The following SOX6 variants were observed in gnomAD, a reference collection of about 807,000 sequenced individuals.
The protein encoded by SOX6 is SRY-box transcription factor 6.
Under a neutral mutation model 97.8 loss-of-function variants are expected in SOX6, and 11 were observed. That is an observed-to-expected ratio of 0.11 (90% CI 0.07 to 0.19). The LOEUF (loss-of-function observed/expected upper bound fraction) is 0.19, where lower values mean the gene tolerates loss of function less well. Among genes scored for constraint, SOX6 ranks in the 10% least tolerant of loss-of-function variants. The probability of loss-of-function intolerance (pLI) is 1.00; values close to 1 mark genes in which losing one functional copy is unlikely to be tolerated. For synonymous variants in SOX6, 360 were observed against 371.4 expected (o/e 0.97, Z 0.35); for missense variants, 810 against 1,039.5 (o/e 0.78, Z 3.04).
chr11:16,689,736 A>G (rs564346326), intron 3 of SOX6, among the ~76,000 whole-genome samples: 85 of 152,330 alleles, frequency 5.6e-4, no homozygotes, highest in South Asian at 3.7e-3. Context: ...TTTTAAGTAC[A>G]TTCTAGATAA....
At chr11:16,469,367 CT>C (rs1860101021) in intron 1 of SOX6, among the ~76,000 whole-genome samples, 1 of 152,010 alleles carries the variant, frequency 6.6e-6, no homozygotes, top group Non-Finnish European at 1.5e-5. Context: ...CTGACAGATT[CT>C]TAAGAAATAC....
chr11:16,137,299 G>A (rs553186391), intron 6 of SOX6, among the ~76,000 whole-genome samples: 34 of 152,164 alleles, frequency 2.2e-4, no homozygotes, highest in East Asian at 9.7e-4. Context: ...GGTGGCATGC[G>A]CCTGTAGTCT....
chr11:15,977,353 C>T (rs1349356533), intron 15 of SOX6, among the ~76,000 whole-genome samples: 1 of 151,986 alleles, frequency 6.6e-6, no homozygotes, highest in African/African-American at 2.4e-5. Context: ...GTCACTCCTC[C>T]CTAATCTCAG....
chr11:16,239,681 C>T (rs1853125912), intron 3 of SOX6, among the ~76,000 whole-genome samples: 1 of 152,030 alleles, frequency 6.6e-6, no homozygotes, highest in Admixed American at 6.6e-5. Flanking sequence ...TCCCATACAG[C>T]AGGGCAATGA....
At chr11:16,246,223 T>G (rs564694357) in intron 3 of SOX6, among the ~76,000 whole-genome samples, 1 of 151,642 alleles carries the variant, frequency 6.6e-6, no homozygotes, top group Non-Finnish European at 1.5e-5. Flanking sequence ...ATTAGTTCCA[T>G]ATGTTTTAAA....
At chr11:16,385,477 G>T (rs1857956100) in intron 1 of SOX6, among the ~76,000 whole-genome samples, 1 of 151,966 alleles carries the variant, frequency 6.6e-6, no homozygotes, top group African/African-American at 2.4e-5. Context: ...AAACAAAAAT[G>T]CTCTTGAGGT....
intron 15 of SOX6, among the ~76,000 whole-genome samples, chr11:15,975,662 GT>G (rs1853455880): frequency 6.6e-6 from 1 of 152,254 alleles, no homozygotes; most frequent in African/African-American, 2.4e-5. Flanking sequence ...TGAGAGGTAG[GT>G]ATCATTTTCC....
intron 3 of SOX6, among the ~76,000 whole-genome samples, chr11:16,238,723 T>C (rs1434213972): frequency 6.6e-6 from 1 of 152,074 alleles, no homozygotes; most frequent in Non-Finnish European, 1.5e-5. Flanking sequence ...TTTACAACAA[T>C]CTACCTATAA....
intron 6 of SOX6, among the ~76,000 whole-genome samples, chr11:16,132,349 AG>A (rs1849785973): frequency 6.9e-5 from 4 of 58,000 alleles, no homozygotes; most frequent in South Asian, 5.9e-4. Flanking sequence ...AAAGAAAGAA[AG>A]AAAGAAAGAA....
rs75370960 is a variant in SOX6, at chr11:16,015,835, G to A, written c.1624-785C>T. ...GAAAAACAGCTCATGTCCCCCTCTC[G>A]TCTCCTCACTACTCTCCTGACTCAA... On this transcript the variant is annotated intron_variant, in intron 12 of 15. Transcript: ENST00000683767. Among the ~76,000 whole-genome samples, 145 of 152,000 alleles carry A rather than the reference G, an allele frequency of 9.5e-4. 2 individuals carry two copies. The highest frequency in any genetic ancestry group is 3.2e-3 in the African/African-American group (131 of 41,480).
chr11:16,529,582 T>C (rs1253032814), intron 4 of SOX6, among the ~76,000 whole-genome samples: 1 of 152,146 alleles, frequency 6.6e-6, no homozygotes, highest in Non-Finnish European at 1.5e-5. Flanking sequence ...GCTATCCAGC[T>C]AACCACTCAC....
At chr11:16,057,135 T>C (rs1238224711) in intron 9 of SOX6, among the ~76,000 whole-genome samples, 1 of 152,138 alleles carries the variant, frequency 6.6e-6, no homozygotes, top group Non-Finnish European at 1.5e-5. Flanking sequence ...TATATCCTTA[T>C]TTGTAAATCA....
rs1860434995 is a variant in SOX6 at position 16,486,422 on chromosome 11, G to C, written n.610-10034C>G. On this transcript the variant is annotated intron_variant and non_coding_transcript_variant, in intron 4 of 5. Transcript: ENST00000524520. ...TAAGATCTTTTTTTTCTTATAGCCT[G>C]TCTGATTTCAGAGATAACAACTTAA... Among the ~76,000 whole-genome samples the C allele has an allele frequency of 2.0e-5, 3 of 151,782 alleles. No individual in the cohort carries two copies. In the South Asian group the frequency reaches 6.3e-4, roughly 32 times the overall value.
intron 12 of SOX6, among the ~76,000 whole-genome samples, chr11:16,036,078 C>CT (rs767508048): frequency 0.048 from 6,388 of 133,738 alleles, 557 homozygotes; most frequent in African/African-American, 0.16. Context: ...TGATTCAACT[C>CT]TTTTTTTTTT....
chr11:16,285,522 G>T (rs1375971865), intron 3 of SOX6, among the ~76,000 whole-genome samples: 2 of 151,960 alleles, frequency 1.3e-5, no homozygotes, highest in South Asian at 4.1e-4. Flanking sequence ...CAGCAAGAGC[G>T]AAACTCCATC....
chr11:16,049,648 C>A, intron 11 of SOX6, 107 bp downstream of exon 11: 1 of 1,315,474 alleles, frequency 7.6e-7, no homozygotes, highest in South Asian at 1.3e-5. Flanking sequence ...AGAGTATTAT[C>A]TTTTACTAAG....
intron 13 of SOX6, among the ~76,000 whole-genome samples, chr11:15,989,844 C>T (rs1853991917): frequency 6.6e-6 from 1 of 152,104 alleles, no homozygotes; most frequent in Admixed American, 6.5e-5. Flanking sequence ...TTTTAAGGAG[C>T]TCACAGTTCA....
intron 3 of SOX6, among the ~76,000 whole-genome samples, chr11:16,663,881 A>G (rs1171417990): frequency 6.6e-6 from 1 of 152,206 alleles, no homozygotes; most frequent in Non-Finnish European, 1.5e-5. Context: ...ACAAATTCTT[A>G]CAAAATCATT....
At chr11:16,196,850 T>C (rs1851792734) in intron 4 of SOX6, among the ~76,000 whole-genome samples, 1 of 140,034 alleles carries the variant, frequency 7.1e-6, no homozygotes. Flanking sequence ...TTTTTTTTTT[T>C]TGAGATGGAG....
Sources: allele counts gnomAD v4.1 joint callset (sites outside exome capture counted in the v4.1 genomes callset), GRCh38; gene constraint gnomAD v4.1.1; transcripts MANE v1.5; gene names NCBI Gene and HGNC (gene_info 2026-07-23, HGNC 2026-07-21).